The following PPP1R7 variants were observed in gnomAD, a reference collection of about 807,000 sequenced individuals.
PPP1R7 encodes the protein protein phosphatase 1 regulatory subunit 22.
A neutral mutation model predicts 45.2 loss-of-function variants in PPP1R7; 18 were observed. That is an observed-to-expected ratio of 0.40 (90% CI 0.28 to 0.59). The LOEUF (loss-of-function observed/expected upper bound fraction) is 0.59. PPP1R7 is among the 20% of genes least tolerant of loss of function. The pLI, the probability that PPP1R7 is intolerant of heterozygous loss-of-function variation, is 0.46. For synonymous variants in PPP1R7, 181 were observed against 183.4 expected, an observed-to-expected ratio of 0.99 and a Z score of 0.11; for missense variants, 314 against 455.8, an observed-to-expected ratio of 0.69 and a Z score of 2.83.
chr2:241,178,208 T>G (rs1177595194), intron 9 of PPP1R7, among the ~76,000 whole-genome samples: 2 of 152,200 alleles, frequency 1.3e-5, no homozygotes, highest in African/African-American at 2.4e-5. Context: ...CACTTTCTGC[T>G]CCCCTTCAGT....
chr2:241,173,648 C>T (rs1490800744), intron 9 of PPP1R7, among the ~76,000 whole-genome samples: 1 of 152,218 alleles, frequency 6.6e-6, no homozygotes, highest in Admixed American at 6.5e-5. Flanking sequence ...AAAACTGCTT[C>T]TGCCCTTGCT....
chr2:241,164,953 C>G (rs550781733), intron 7 of PPP1R7, among the ~76,000 whole-genome samples: 35 of 152,072 alleles, frequency 2.3e-4, no homozygotes, highest in African/African-American at 8.4e-4. Context: ...GAGGATGAGG[C>G]AGGAGAAATG....
intron 4 of PPP1R7, 58 bp from the exon 5 acceptor site, chr2:241,159,155 A>T: frequency 1.3e-6 from 2 of 1,580,546 alleles, no homozygotes; most frequent in South Asian, 2.2e-5. Context: ...GTATCAGCTG[A>T]GGCCTTCTCG....
At chr2:241,163,446 GC>G in intron 7 of PPP1R7, 45 bp downstream of exon 7, 6 of 1,347,236 alleles carry the variant, frequency 4.5e-6, no homozygotes, top group Non-Finnish European at 6.4e-6. Flanking sequence ...CCCTGGCAGG[GC>G]CAGCGCTGCT....
At chr2:241,167,610 G>C (rs1446882578) in intron 8 of PPP1R7, among the ~76,000 whole-genome samples, 1 of 152,230 alleles carries the variant, frequency 6.6e-6, no homozygotes, top group African/African-American at 2.4e-5. Context: ...CCGGGAGACA[G>C]ACAATCTGCA....
intron 1 of PPP1R7, among the ~76,000 whole-genome samples, chr2:241,152,935 G>A (rs1479146377): frequency 1.3e-5 from 2 of 152,154 alleles, no homozygotes; most frequent in African/African-American, 4.8e-5. Flanking sequence ...TTCTGTGGGC[G>A]GTCAGCACTA....
rs1435950056 is a variant in PPP1R7, at chr2:241,152,563, C to T, written c.53-913C>T. 3.3e-5 allele frequency among the ~76,000 whole-genome samples: 5 copies of T among 152,302 alleles called. No homozygotes were observed. In the East Asian group the frequency reaches 9.6e-4, roughly 29 times the overall value. ...TAAGGACTTGTTTTCTACAGCAATC[C>T]TTTCTTGGGTTTTACTTTGCTAGGC... is the stretch of plus-strand genomic sequence containing the variant. On this transcript the variant is annotated intron_variant, in intron 1 of 9. Coordinates refer to ENST00000234038, the MANE Select transcript of PPP1R7 (RefSeq NM_002712.3).
chr2:241,182,788 G>A lies in PPP1R7; in HGVS notation c.1048G>A (p.Val350Met), dbSNP rs745480995. ...RRKVMLALPS[V>M]RQIDATFVRF ...GAAGGTCATGCTCGCCCTCCCCTCC[G>A]TGCGGCAGATCGATGCCACGTTCGT... Residue 350 changes from valine (V) to methionine (M), a missense_variant, in exon 10 of 10, where the codon GTG becomes ATG. Transcript: ENST00000234038. The A allele has an allele frequency of 4.3e-6, 7 of 1,613,810 alleles. No individual in the cohort carries two copies. The highest frequency in any genetic ancestry group is 5.1e-6 in the Non-Finnish European group (6 of 1,179,748).
Position 241,153,502 on chromosome 2 carries a change from T to C in PPP1R7, c.79T>C (p.Ser27Pro). Residue 27 changes from serine to proline, a missense_variant, in exon 2 of 10, where the codon TCC (serine) becomes CCC (proline). Transcript: ENST00000234038. The stretch of plus-strand genomic sequence containing the variant: ...TGACAGGCGGGTCGAGTCTGAAGAA[T>C]CCGGCGATGAAGAAGGGAAGAAACA... ...EVDRRVESEE[S>P]GDEEGKKHSS... 6.2e-7 allele frequency: 1 copy of C among 1,614,184 alleles called. No individual in the cohort carries two copies. Among genetic ancestry groups the C allele is most frequent in the Non-Finnish European group, 8.5e-7 (1 of 1,180,030 alleles).
intron 9 of PPP1R7, among the ~76,000 whole-genome samples, chr2:241,178,983 A>C (rs2067955785): frequency 6.6e-6 from 1 of 152,030 alleles, no homozygotes; most frequent in South Asian, 2.1e-4. Flanking sequence ...GTTTGGGGTA[A>C]TTAATGTGAA....
chr2:241,149,955 G>T (rs1380150490), upstream of PPP1R7: 24 of 1,427,112 alleles, frequency 1.7e-5, no homozygotes, highest in Non-Finnish European at 2.1e-5. Flanking sequence ...GCGGCATTTC[G>T]CATGGGTAAA....
chr2:241,177,808 C>T (rs2067933124), intron 9 of PPP1R7, among the ~76,000 whole-genome samples: 1 of 152,202 alleles, frequency 6.6e-6, no homozygotes, highest in African/African-American at 2.4e-5. Flanking sequence ...AGGCAGTAGC[C>T]AGGGGAGGAG....
Position 241,152,731 on chromosome 2 carries a change from G to C in PPP1R7, c.53-745G>C, listed in dbSNP as rs76585963. 1.9e-3 allele frequency among the ~76,000 whole-genome samples: 294 copies of C among 152,280 alleles called. 5 individuals are homozygous for C. The East Asian group carries it at 0.045, about 23-fold the overall frequency. On this transcript the variant is annotated intron_variant, in intron 1 of 9. Transcript: ENST00000234038. ...GTTAGTGCCTCATGTTTTCCAGACA[G>C]ACTTCCAAAAGAGGTCATGAGTAAA...
Position 241,174,160 on chromosome 2 carries a change from A to C in PPP1R7, c.906+4293A>C, listed in dbSNP as rs577807531. ...AAGCTTTATTAGAGTACATCTAAAT[A>C]GTCTACTCCGTAAGATTAATCTAGC... On this transcript the variant is annotated intron_variant, in intron 9 of 9. Coordinates refer to ENST00000234038, the MANE Select transcript of PPP1R7 (RefSeq NM_002712.3). 1.5e-4 allele frequency among the ~76,000 whole-genome samples: 23 copies of C among 152,330 alleles called. 1 individual carries two copies. The South Asian group carries it at 2.5e-3, about 16-fold the overall frequency.
chr2:241,157,870 C>G lies in PPP1R7; in HGVS notation c.237+8C>G. On this transcript the variant is annotated splice_region_variant and intron_variant, in intron 3 of 9. Coordinates refer to ENST00000234038, the MANE Select transcript of PPP1R7 (RefSeq NM_002712.3). ...CTGGACAGAGATGCAGAGGTAATGC[C>G]GCCTGCTCAGCCCAGCCTTGGGCGT... 1.9e-6 allele frequency: 3 copies of G among 1,612,946 alleles called. No homozygotes were observed. The highest frequency in any genetic ancestry group is 2.5e-6 in the Non-Finnish European group (3 of 1,178,936).
At chr2:241,150,302 C>G (rs1029879904), upstream of PPP1R7, 27 of 1,321,644 alleles carry the variant, frequency 2.0e-5, no homozygotes, top group Non-Finnish European at 2.5e-5. Flanking sequence ...CTGAAATTAC[C>G]TGCTCTGGGG....
chr2:241,156,704 T>G (rs2067464971), intron 2 of PPP1R7, among the ~76,000 whole-genome samples: 1 of 152,164 alleles, frequency 6.6e-6, no homozygotes, highest in Non-Finnish European at 1.5e-5. Context: ...AAAAGTTTTT[T>G]AAAAGAGAAA....
chr2:241,179,978 T>G (rs759367099), intron 9 of PPP1R7, among the ~76,000 whole-genome samples: 1 of 152,208 alleles, frequency 6.6e-6, no homozygotes, highest in Non-Finnish European at 1.5e-5. Context: ...AATTACAACA[T>G]CTGCAATTTA....
intron 2 of PPP1R7, among the ~76,000 whole-genome samples, chr2:241,156,274 A>G (rs554794433): frequency 6.6e-6 from 1 of 152,370 alleles, no homozygotes; most frequent in African/African-American, 2.4e-5. Flanking sequence ...GAGAAAGAAC[A>G]TCCTATGCAT....
Sources: gnomAD v4.1 joint callset for allele counts (sites outside exome capture counted in the v4.1 genomes callset) on GRCh38, gnomAD v4.1.1 for gene constraint, MANE v1.5 for transcripts, NCBI Gene and HGNC (gene_info 2026-07-23, HGNC 2026-07-21) for gene names.